TPO: variants seen among roughly 807,000 people sequenced by gnomAD.
TPO encodes the protein thyroid microsomal antigen.
Under a neutral mutation model 96.9 loss-of-function variants are expected in TPO, and 78 were observed. That is an observed-to-expected ratio of 0.81 (90% CI 0.67 to 0.97). TPO has a LOEUF of 0.97. Among genes scored for constraint, TPO ranks in the 50% least tolerant of loss-of-function variants. The probability of loss-of-function intolerance (pLI) is 0.00; values close to 1 mark genes in which losing one functional copy is unlikely to be tolerated. For synonymous variants in TPO, 547 were observed against 538.0 expected, an observed-to-expected ratio of 1.02 and a Z score of -0.23; for missense variants, 1,252 against 1,274.8, an observed-to-expected ratio of 0.98 and a Z score of 0.27.
intron 1 of TPO, among the ~76,000 whole-genome samples, chr2:1,398,326 T>A (rs910373544): frequency 6.6e-6 from 1 of 152,212 alleles, no homozygotes; most frequent in East Asian, 1.9e-4. Flanking sequence ...CACAAACTAC[T>A]GTTGCCTTTG....
intron 6 of TPO, 127 bp downstream of exon 6, chr2:1,453,950 G>T: frequency 7.1e-7 from 1 of 1,415,996 alleles, no homozygotes. Context: ...GATCCTCCCA[G>T]CCTCCCTTTG....
chr2:1,438,677 G>A, intron 5 of TPO: 1 of 594,062 alleles, frequency 1.7e-6, no homozygotes, highest in Non-Finnish European at 3.0e-6. Context: ...TGCAGTGGAG[G>A]GTGAATTACA....
chr2:1,512,388 C>G, intron 14 of TPO: 1 of 985,460 alleles, frequency 1.0e-6, no homozygotes, highest in Non-Finnish European at 1.2e-6. Flanking sequence ...TCTGCCTCTC[C>G]AGATCCTGCC....
intron 7 of TPO, among the ~76,000 whole-genome samples, chr2:1,462,814 TC>T (rs1306866347): frequency 6.6e-6 from 1 of 152,204 alleles, no homozygotes; most frequent in African/African-American, 2.4e-5. Flanking sequence ...TATTAGTTTG[TC>T]ACGATTGTTT....
At chr2:1,482,382 G>A (rs1670733037) in intron 8 of TPO, among the ~76,000 whole-genome samples, 1 of 152,206 alleles carries the variant, frequency 6.6e-6, no homozygotes, top group Non-Finnish European at 1.5e-5. Flanking sequence ...CAGAGGCTGT[G>A]GGGAACCAGG....
rs1158074757 is a variant in TPO, at chr2:1,535,215, C to T, written c.2619-5379C>T. ...ACTTGTGCAACCTCATCAATTTCCCCCCATTCTGTGCAACCTCCCCAAATC... is the reference window on the plus strand; with the variant it reads ...ACTTGTGCAACCTCATCAATTTCCCTCCATTCTGTGCAACCTCCCCAAATC... On this transcript the variant is annotated intron_variant, in intron 15 of 16. Coordinates refer to ENST00000329066, the MANE Select transcript of TPO (RefSeq NM_001206744.2). Among the ~76,000 whole-genome samples the T allele has an allele frequency of 3.0e-5, 4 of 132,766 alleles. No homozygotes were observed. The Admixed American group carries it at 3.2e-4, about 11-fold the overall frequency. The allele number at this position is 132,766 out of a possible 152,430, so 87.1% of individuals were successfully genotyped here.
chr2:1,461,407 G>C (rs1217534256), intron 7 of TPO, among the ~76,000 whole-genome samples: 1 of 152,194 alleles, frequency 6.6e-6, no homozygotes, highest in Admixed American at 6.5e-5. Context: ...GACCACACTT[G>C]CTCCTGTGGC....
intron 15 of TPO, among the ~76,000 whole-genome samples, chr2:1,530,193 C>A (rs756103515): frequency 1.2e-5 from 1 of 85,010 alleles, no homozygotes; most frequent in Non-Finnish European, 2.2e-5. Context: ...TCCAACCTCC[C>A]CAAATCCCTC....
intron 15 of TPO, among the ~76,000 whole-genome samples, chr2:1,538,057 A>G (rs1425780416): frequency 1.2e-5 from 1 of 81,788 alleles, no homozygotes; most frequent in African/African-American, 7.1e-5. Flanking sequence ...ACCTCCTCAA[A>G]TCCCCCACAC....
intron 10 of TPO, among the ~76,000 whole-genome samples, chr2:1,492,879 G>A (rs1410409659): frequency 6.6e-6 from 1 of 152,146 alleles, no homozygotes; most frequent in East Asian, 1.9e-4. Flanking sequence ...CAGAACCCGT[G>A]GGAGTGAGGG....
intron 15 of TPO, among the ~76,000 whole-genome samples, chr2:1,534,661 AT>A (rs1262528520): frequency 2.4e-5 from 2 of 82,978 alleles, no homozygotes; most frequent in African/African-American, 9.4e-5. Context: ...ATGTCCCCAA[AT>A]ACCCCCCCCA....
chr2:1,397,687 C>G (rs1662103491), intron 1 of TPO, among the ~76,000 whole-genome samples: 1 of 152,144 alleles, frequency 6.6e-6, no homozygotes, highest in African/African-American at 2.4e-5. Flanking sequence ...TTGTTGCTCT[C>G]CCAGCCTCCA....
At chr2:1,526,496 C>T (rs1376950015) in intron 15 of TPO, among the ~76,000 whole-genome samples, 1 of 138,922 alleles carries the variant, frequency 7.2e-6, no homozygotes, top group Non-Finnish European at 1.6e-5. Context: ...AAGTCCGCCA[C>T]TGTGTGCAAC....
At chr2:1,540,151 C>G (rs1328456294) in intron 15 of TPO, among the ~76,000 whole-genome samples, 1 of 152,154 alleles carries the variant, frequency 6.6e-6, no homozygotes, top group Non-Finnish European at 1.5e-5. Flanking sequence ...CCCTCATCTC[C>G]AGGTCGGGGC....
rs776742629 is a variant in TPO at position 1,494,026 on chromosome 2, C to A, written c.1993C>A (p.Arg665=). 1.2e-6 allele frequency: 2 copies of A among 1,614,074 alleles called. No individual in the cohort carries two copies. The highest frequency in any genetic ancestry group is 1.1e-5 in the South Asian group (1 of 91,088). ...CLIGKQMKAL[R]DGDWFWWENS... is the part of the protein sequence containing the mutation. ...CATTGGGAAGCAGATGAAGGCTCTG[C>A]GGGACGGTGACTGGTACGTTCCTAT... The change falls in exon 11 of 17, where the codon CGG becomes AGG. Residue 665 remains arginine (R), a synonymous_variant. Coordinates refer to ENST00000329066, the MANE Select transcript of TPO (RefSeq NM_001206744.2).
intron 5 of TPO, among the ~76,000 whole-genome samples, chr2:1,444,025 A>G (rs1341239927): frequency 1.0e-3 from 144 of 141,460 alleles, no homozygotes; most frequent in African/African-American, 3.6e-3. Context: ...ACCATGTTGG[A>G]AGGGAATGGA....
At chr2:1,526,239 C>T (rs1169565822) in intron 15 of TPO, among the ~76,000 whole-genome samples, 4 of 100,672 alleles carry the variant, frequency 4.0e-5, no homozygotes, top group East Asian at 3.5e-4. Flanking sequence ...GTGCAACACC[C>T]CCAAGTCCCC....
In TPO at chr2:1,540,720, G is replaced by C. The variant is rs1680652664; in HGVS notation, c.2745G>C (p.Glu915Asp). Residue 915 changes from glutamate to aspartate, a missense_variant, in exon 16 of 17, where the codon GAG (glutamate) becomes GAC (aspartate). By Grantham distance (45) the Glu-to-Asp change is conservative. Transcript: ENST00000329066. ...AGCGGGCCGCAGCTCAGGACTCGGA[G>C]CAGGTGGGCCACACCATGCCGCATG... ...SPQRAAAQDS[E>D]QESAGMEGRD... 6.2e-7 allele frequency: 1 copy of C among 1,613,368 alleles called. No individual in the cohort carries two copies. Among genetic ancestry groups the C allele is most frequent in the East Asian group, 2.2e-5 (1 of 44,880 alleles).
chr2:1,516,748 C>A, intron 14 of TPO, 135 bp from the exon 15 acceptor site: 2 of 773,694 alleles, frequency 2.6e-6, no homozygotes, highest in African/African-American at 1.7e-5. Context: ...AGATAAATGT[C>A]CCTCCCTCCC....
Sources: gnomAD v4.1 joint callset for allele counts (sites outside exome capture counted in the v4.1 genomes callset) on GRCh38, gnomAD v4.1.1 for gene constraint, MANE v1.5 for transcripts, NCBI Gene and HGNC (gene_info 2026-07-23, HGNC 2026-07-21) for gene names.